DIAPH3: variants seen among roughly 807,000 people sequenced by gnomAD.
DIAPH3 encodes the protein protein diaphanous homolog 3.
DIAPH3 carries 117 observed loss-of-function variants against 144.3 expected under a neutral mutation model. The ratio of observed to expected loss-of-function variants is 0.81; its 90% confidence interval spans 0.70 to 0.95. The LOEUF is 0.95. Among genes scored for constraint, DIAPH3 ranks in the 40% least tolerant of loss-of-function variants. DIAPH3 has a pLI of 0.00. For missense variants in DIAPH3, 1,421 were observed against 1,412.7 expected (o/e 1.01, Z -0.09); for synonymous variants, 519 against 488.9 (o/e 1.06, Z -0.81).
chr13:59,977,195 AC>A (rs1438790298), intron 14 of DIAPH3, among the ~76,000 whole-genome samples: 14 of 151,766 alleles, frequency 9.2e-5, no homozygotes, highest in African/African-American at 3.4e-4. Flanking sequence ...CAAACTAACA[AC>A]CCTAAATCAA....
At chr13:59,948,231 A>G (rs1318318736) in intron 17 of DIAPH3, among the ~76,000 whole-genome samples, 1 of 152,168 alleles carries the variant, frequency 6.6e-6, no homozygotes, top group Non-Finnish European at 1.5e-5. Flanking sequence ...TAATTTCCAC[A>G]TTAGAATCTT....
At chr13:59,802,667 ATTTTTTTT>A (rs71089516) in intron 25 of DIAPH3, among the ~76,000 whole-genome samples, 3 of 23,758 alleles carry the variant, frequency 1.3e-4, no homozygotes, top group African/African-American at 3.0e-4. Context: ...TATTATTATT[ATTTTTTTT>A]TTTTTTTTTT....
At chr13:60,057,774 T>C (rs919685060) in intron 4 of DIAPH3, among the ~76,000 whole-genome samples, 2 of 151,704 alleles carry the variant, frequency 1.3e-5, no homozygotes, top group African/African-American at 4.8e-5. Flanking sequence ...CAACAAAGCA[T>C]ACAAAAACAT....
At chr13:60,025,135 C>A (rs1405375351) in intron 5 of DIAPH3, among the ~76,000 whole-genome samples, 1 of 151,936 alleles carries the variant, frequency 6.6e-6, no homozygotes, top group Non-Finnish European at 1.5e-5. Context: ...AGCAGAAATA[C>A]AAAGCAGTTA....
chr13:59,820,658 C>A (rs1357766816), intron 24 of DIAPH3, among the ~76,000 whole-genome samples: 2 of 151,284 alleles, frequency 1.3e-5, no homozygotes. Context: ...TTATAAACAG[C>A]CTATATTCCA....
At chr13:60,036,282 G>C (rs1212425315) in intron 5 of DIAPH3, among the ~76,000 whole-genome samples, 1 of 152,122 alleles carries the variant, frequency 6.6e-6, no homozygotes, top group African/African-American at 2.4e-5. Flanking sequence ...TCAAAGAAGT[G>C]GATATGCAGA....
chr13:59,905,317 T>A (rs1050897461), intron 20 of DIAPH3, among the ~76,000 whole-genome samples: 1 of 118,918 alleles, frequency 8.4e-6, no homozygotes, highest in Non-Finnish European at 1.6e-5. Flanking sequence ...CACTCCAGCC[T>A]GGGCGACAGA....
At chr13:59,765,960 A>G (rs1216189712) in intron 27 of DIAPH3, among the ~76,000 whole-genome samples, 1 of 152,248 alleles carries the variant, frequency 6.6e-6, no homozygotes, top group East Asian at 1.9e-4. Context: ...CATCCCTGCC[A>G]TAATGCCTAC....
At chr13:59,929,453 A>G (rs544000120) in intron 17 of DIAPH3, among the ~76,000 whole-genome samples, 2 of 101,570 alleles carry the variant, frequency 2.0e-5, no homozygotes, top group East Asian at 4.0e-4. Flanking sequence ...TCTCTGTGCT[A>G]CTGTTAACAC....
intron 25 of DIAPH3, among the ~76,000 whole-genome samples, chr13:59,791,602 G>A (rs2039328522): frequency 6.6e-6 from 1 of 152,078 alleles, no homozygotes; most frequent in Admixed American, 6.5e-5. Flanking sequence ...ATTGAGAGAG[G>A]TGTTACATGA....
chr13:59,790,867 T>TC (rs971830251), intron 25 of DIAPH3, among the ~76,000 whole-genome samples: 2 of 151,930 alleles, frequency 1.3e-5, no homozygotes, highest in Non-Finnish European at 1.5e-5. Context: ...AAAGACTCCC[T>TC]CCCCCCGCTC....
intron 1 of DIAPH3, among the ~76,000 whole-genome samples, chr13:60,141,657 GTTAA>G (rs2059427458): frequency 6.6e-6 from 1 of 152,166 alleles, no homozygotes; most frequent in Non-Finnish European, 1.5e-5. Context: ...TGCAACAACT[GTTAA>G]TTAAATATTG....
At chr13:60,040,049 A>G (rs1038630478) in intron 5 of DIAPH3, among the ~76,000 whole-genome samples, 10 of 151,916 alleles carry the variant, frequency 6.6e-5, no homozygotes, top group Admixed American at 2.6e-4. Flanking sequence ...CAGCCTGGCC[A>G]ATATGGTGAG....
At chr13:59,902,131 T>A (rs1167828425) in intron 20 of DIAPH3, among the ~76,000 whole-genome samples, 1 of 152,162 alleles carries the variant, frequency 6.6e-6, no homozygotes, top group Non-Finnish European at 1.5e-5. Context: ...GTTAAACATG[T>A]AAAGAAAAAC....
At chr13:59,871,336 G>A (rs1351230417) in intron 21 of DIAPH3, among the ~76,000 whole-genome samples, 2 of 152,208 alleles carry the variant, frequency 1.3e-5, no homozygotes, top group African/African-American at 4.8e-5. Flanking sequence ...CAATGTTCAA[G>A]AGGAGTAGTG....
intron 20 of DIAPH3, among the ~76,000 whole-genome samples, 189 bp downstream of exon 20, chr13:59,911,546 C>T (rs560589266): frequency 6.6e-6 from 1 of 152,172 alleles, no homozygotes; most frequent in South Asian, 2.1e-4. Flanking sequence ...TCACTTAATG[C>T]CAGAGTTTCA....
intron 24 of DIAPH3, among the ~76,000 whole-genome samples, chr13:59,818,137 C>T (rs77673161): frequency 0.02 from 2,965 of 151,950 alleles, 83 homozygotes; most frequent in East Asian, 0.12. Flanking sequence ...TTGGATATGG[C>T]TGCTTTTGCA....
chr13:59,871,933 T>C (rs2044305564), intron 21 of DIAPH3, among the ~76,000 whole-genome samples: 2 of 152,212 alleles, frequency 1.3e-5, no homozygotes, highest in African/African-American at 4.8e-5. Flanking sequence ...TCAGTAACGA[T>C]AGTCCCTCTT....
At chr13:60,116,971 T>TA (rs1229008048) in intron 2 of DIAPH3, among the ~76,000 whole-genome samples, 2 of 151,970 alleles carry the variant, frequency 1.3e-5, no homozygotes, top group Non-Finnish European at 2.9e-5. Flanking sequence ...ACTGTATGTC[T>TA]AAAAAATAAA....
Sources: allele counts gnomAD v4.1 joint callset (sites outside exome capture counted in the v4.1 genomes callset), GRCh38; gene constraint gnomAD v4.1.1; transcripts MANE v1.5; gene names NCBI Gene and HGNC (gene_info 2026-07-23, HGNC 2026-07-21).